The following MYBPC2 variants were observed in gnomAD, a reference collection of about 807,000 sequenced individuals.
The protein encoded by MYBPC2 is myosin binding protein C2, also known as myosin-binding protein C, fast-type.
MYBPC2 carries 122 observed loss-of-function variants against 137.0 expected under a neutral mutation model. The observed-to-expected ratio is 0.89, with a 90% CI of 0.77 to 1.03. MYBPC2 has a LOEUF of 1.03. Among genes scored for constraint, MYBPC2 ranks in the 50% least tolerant of loss-of-function variants. The pLI, the probability that MYBPC2 is intolerant of heterozygous loss-of-function variation, is 0.00. For missense variants in MYBPC2, 1,500 were observed against 1,534.4 expected (o/e 0.98, Z 0.37); for synonymous variants, 626 against 612.3 (o/e 1.02, Z -0.33).
intron 26 of MYBPC2, among the ~76,000 whole-genome samples, chr19:50,463,634 T>C (rs1444191741): frequency 6.6e-6 from 1 of 152,122 alleles, no homozygotes; most frequent in African/African-American, 2.4e-5. Context: ...GTCACATAAA[T>C]AATATAAAAT....
In MYBPC2 at chr19:50,436,741, T is replaced by C. The variant is rs1416962039; in HGVS notation, c.463+7T>C. The C allele has an allele frequency of 6.2e-7, 1 of 1,612,524 alleles. No homozygotes were observed. The highest frequency in any genetic ancestry group is 1.1e-5 in the South Asian group (1 of 91,004). ...TTCAACATCGATGTGGAGGGTATGC[T>C]GGTGGGGGATGCGGGAGCAAAGGGT... is the stretch of plus-strand genomic sequence containing the variant. On this transcript the variant is annotated splice_region_variant and intron_variant, in intron 5 of 27. Coordinates refer to ENST00000357701, the MANE Select transcript of MYBPC2 (RefSeq NM_004533.4).
At chr19:50,456,843 T>G (rs1278756105) in intron 20 of MYBPC2, among the ~76,000 whole-genome samples, 3 of 152,004 alleles carry the variant, frequency 2.0e-5, no homozygotes, top group Non-Finnish European at 2.9e-5. Context: ...AACCAGCCAT[T>G]GTCTCTCTGC....
At chr19:50,452,532 C>CTATCTATG (rs1330279088) in intron 16 of MYBPC2, among the ~76,000 whole-genome samples, 32 of 151,610 alleles carry the variant, frequency 2.1e-4, no homozygotes, top group East Asian at 1.4e-3. Context: ...ATCTATCTAT[C>CTATCTATG]TATCTATGTA....
chr19:50,448,372 C>T lies in MYBPC2; in HGVS notation c.1454C>T (p.Thr485Ile), dbSNP rs749066609. 3.1e-6 allele frequency: 5 copies of T among 1,613,438 alleles called. No homozygotes were observed. In the South Asian group the frequency reaches 3.3e-5, roughly 11 times the overall value. ...GAGGTGCGGCCCAGCAAGAGGATCA[C>T]CATTTCCCATGTAGGCAGGTGAGGA... The part of the protein sequence containing the change: ...GVEVRPSKRI[T>I]ISHVGRFHKL... Residue 485 changes from threonine (T) to isoleucine (I), a missense_variant, in exon 13 of 28, where the codon ACC becomes ATC. Transcript: ENST00000357701.
chr19:50,459,932 C>T, intron 23 of MYBPC2, 108 bp from the exon 24 acceptor site: 1 of 1,433,524 alleles, frequency 7.0e-7, no homozygotes, highest in Non-Finnish European at 9.3e-7. Context: ...GGGAATGGGG[C>T]ATAAGAGAGG....
chr19:50,461,423 G>A (rs940131507), intron 24 of MYBPC2, 119 bp from the exon 25 acceptor site: 9 of 1,103,602 alleles, frequency 8.2e-6, no homozygotes, highest in African/African-American at 3.1e-5. Context: ...TGCGCCATGA[G>A]TGACATTTTT....
rs115106225 is a variant in MYBPC2, at chr19:50,433,076, C to G, written c.19+104C>G. 2.1e-3 allele frequency: 2,931 copies of G among 1,386,862 alleles called. 46 individuals are homozygous for G. In the African/African-American group the frequency reaches 0.038, roughly 18 times the overall value. 85.9% of individuals were successfully genotyped at this position (1,386,862 alleles called of 1,614,324 possible). A position where few individuals can be genotyped will look rare whatever the true frequency, so the allele number is the denominator to read the frequency against. On this transcript the variant is annotated intron_variant, in intron 1 of 27. Transcript: ENST00000357701. ...GGGTTGGGAGAAGGAGGAACCTTCG[C>G]TGTGTGAGGAGGAGGCTCCCTTTGC...
In MYBPC2 at chr19:50,437,671, G is replaced by A. The variant is rs992423250; in HGVS notation, c.525G>A (p.Lys175=). 7 of 1,604,716 alleles carry A rather than the reference G, an allele frequency of 4.4e-6. No individual in the cohort carries two copies. In the African/African-American group the frequency reaches 8.0e-5, roughly 18 times the overall value. ...TCAATGGCCACAGGAGTGAAAAGAA[G>A]TCGGATACTGCAGGTGAGCTGGATT... ...LESFKRTSEK[K]SDTAGELDFS... is the part of the protein sequence containing the mutation. Residue 175 remains lysine (K), a synonymous_variant, in exon 7 of 28, where the codon AAG becomes AAA. Transcript: ENST00000357701.
intron 20 of MYBPC2, 30 bp downstream of exon 20, chr19:50,455,674 T>G (rs1601294093): frequency 6.2e-7 from 1 of 1,610,152 alleles, no homozygotes; most frequent in Non-Finnish European, 8.5e-7. Context: ...CTGGTGGGGG[T>G]GGTGGCTAGC....
chr19:50,436,143 C>A lies in MYBPC2; in HGVS notation c.328C>A (p.His110Asn). 1 of 1,581,954 alleles carries A rather than the reference C, an allele frequency of 6.3e-7. No individual in the cohort carries two copies. Among genetic ancestry groups the A allele is most frequent in the East Asian group, 2.3e-5 (1 of 43,092 alleles). ...CGCCCGCTTCTCCTTCAAGGAGTCC[C>A]ACAACTCCGCCAGCAATGTGAGGAC... ...SGARFSFKES[H>N]NSASNVYTVE... The change falls in exon 4 of 28, where the codon CAC (histidine) becomes AAC (asparagine). Residue 110 changes from histidine (H) to asparagine (N), a missense_variant. Transcript: ENST00000357701.
chr19:50,435,386 C>G lies in MYBPC2; in HGVS notation c.109+136C>G. 3.1e-6 allele frequency: 2 copies of G among 650,078 alleles called. No homozygotes were observed. Among genetic ancestry groups the G allele is most frequent in the Admixed American group, 2.9e-5 (1 of 34,810 alleles). 40.3% of individuals were successfully genotyped at this position (650,078 alleles called of 1,614,324 possible). A position where few individuals can be genotyped will look rare whatever the true frequency, so the allele number is the denominator to read the frequency against. On this transcript the variant is annotated intron_variant, in intron 2 of 27. Coordinates refer to ENST00000357701, the MANE Select transcript of MYBPC2 (RefSeq NM_004533.4). This position sits in a 1 kb window ranked among gnomAD's most constrained non-coding sequence, Gnocchi z 4.8. The stretch of plus-strand genomic sequence containing the variant: ...AGCCCCAGGGCTGACCCACGCCTCC[C>G]GTGCTCCCAGCCCTCCCGGGGCTCC...
chr19:50,458,615 G>T lies in MYBPC2; in HGVS notation c.2367G>T (p.Glu789Asp). ...AGGAATGGGTCCCTGCCAACACCGAGCCCGTGGAGCGCTGTGGCTTCACCG... is the reference window on the plus strand; with the variant it reads ...AGGAATGGGTCCCTGCCAACACCGATCCCGTGGAGCGCTGTGGCTTCACCG... Reference protein sequence around the residue: ...GSEEWVPANTEPVERCGFTVK... With the variant: ...GSEEWVPANTDPVERCGFTVK... The change falls in exon 21 of 28, where the codon GAG (glutamate) becomes GAT (aspartate). Residue 789 changes from glutamate to aspartate, a missense_variant. Physicochemically the swap from Glu to Asp is conservative, Grantham distance 45 (BLOSUM62 2). Transcript: ENST00000357701. 1 of 1,612,706 alleles carries T rather than the reference G, an allele frequency of 6.2e-7. No homozygotes were observed.
rs764538720 is a variant in MYBPC2 at position 50,440,896 on chromosome 19, GAGA to G, written c.600_602del (p.Lys203del). ...ACCCGCCAGGGAGGTGGTGGAGGAG[GAGA>G]AGAAGAAGAAAAAGAAAGATGACGA... On this transcript the variant is annotated inframe_deletion, in exon 8 of 28. Coordinates refer to ENST00000357701, the MANE Select transcript of MYBPC2 (RefSeq NM_004533.4). The G allele has an allele frequency of 3.5e-5, 57 of 1,613,096 alleles. No homozygotes were observed. The highest frequency in any genetic ancestry group is 2.9e-4 in the East Asian group (13 of 44,874).
At chr19:50,436,594 C>G (rs1454087765) in intron 4 of MYBPC2, 23 bp from the exon 5 acceptor site, 1 of 1,604,484 alleles carries the variant, frequency 6.2e-7, no homozygotes, top group Middle Eastern at 1.7e-4. Flanking sequence ...CCCGTGCACC[C>G]ACACCCCCGG....
chr19:50,444,199 C>T, intron 11 of MYBPC2, among the ~76,000 whole-genome samples: 1 of 150,848 alleles, frequency 6.6e-6, no homozygotes, highest in South Asian at 2.1e-4. Flanking sequence ...ACCATCCATC[C>T]ACTCATGCAT....
chr19:50,437,561 T>C (rs1477253168), intron 6 of MYBPC2, 40 bp downstream of exon 6: 26 of 1,601,832 alleles, frequency 1.6e-5, no homozygotes, highest in Middle Eastern at 1.6e-4. Context: ...CCAAGGACCA[T>C]GGGAGGCTCT....
chr19:50,444,663 G>A (rs577668988), intron 11 of MYBPC2, among the ~76,000 whole-genome samples: 34 of 151,962 alleles, frequency 2.2e-4, no homozygotes, highest in Admixed American at 4.6e-4. Context: ...GGCGGATCAC[G>A]AGGTCAGGAG....
intron 13 of MYBPC2, among the ~76,000 whole-genome samples, chr19:50,448,851 C>G (rs2039831627): frequency 6.6e-6 from 1 of 151,032 alleles, no homozygotes; most frequent in Admixed American, 6.6e-5. Flanking sequence ...TCTCCTGCCT[C>G]AGCCTCCTGA....
chr19:50,436,807 T>C, intron 5 of MYBPC2, 73 bp downstream of exon 5: 2 of 1,421,044 alleles, frequency 1.4e-6, no homozygotes, highest in Admixed American at 3.4e-5. Context: ...CAGCCAGGTG[T>C]TGGGAGAGTG....
Sources: allele counts gnomAD v4.1 joint callset (sites outside exome capture counted in the v4.1 genomes callset), GRCh38; gene constraint gnomAD v4.1.1; non-coding constraint Gnocchi (gnomAD v3.1); transcripts MANE v1.5; gene names NCBI Gene and HGNC (gene_info 2026-07-23, HGNC 2026-07-21).